The following FAM83F variants were observed in gnomAD, a reference collection of about 807,000 sequenced individuals.
FAM83F encodes the protein protein FAM83F.
FAM83F carries 45 observed loss-of-function variants against 42.9 expected under a neutral mutation model. That is an observed-to-expected ratio of 1.05 (90% confidence interval 0.83 to 1.35). The LOEUF (loss-of-function observed/expected upper bound fraction) is 1.35, where lower values mean the gene tolerates loss of function less well. Ranked by LOEUF, FAM83F falls within the 40% of genes most tolerant of loss-of-function variation. FAM83F has a pLI of 0.00. For missense variants in FAM83F, 617 were observed against 695.9 expected, an observed-to-expected ratio of 0.89 and a Z score of 1.28; for synonymous variants, 306 against 298.3, an observed-to-expected ratio of 1.03 and a Z score of -0.27.
chr22:39,999,338 A>G (rs2067386137), intron 1 of FAM83F, among the ~76,000 whole-genome samples: 1 of 152,208 alleles, frequency 6.6e-6, no homozygotes, highest in Non-Finnish European at 1.5e-5. Flanking sequence ...GACCAGCGGC[A>G]TCCAATTTTG....
Position 40,040,171 on chromosome 22 carries a change from C to G in FAM83F, c.*10606C>G, listed in dbSNP as rs546887549. The G allele has an allele frequency of 1.3e-5, 2 of 152,194 alleles. No individual in the cohort carries two copies. Among genetic ancestry groups the G allele is most frequent in the Non-Finnish European group, 2.9e-5 (2 of 68,054 alleles). 9.4% of individuals were successfully genotyped at this position (152,194 alleles called of 1,614,324 possible). A position where few individuals can be genotyped will look rare whatever the true frequency, so the allele number is the denominator to read the frequency against. ...GATGGGGCTGAGATACTAAAGACTA[C>G]GAGGACAACTGTTCATTGAGGGCTG... On this transcript the variant is annotated 3_prime_UTR_variant, in exon 5 of 5. Coordinates refer to ENST00000333407, the MANE Select transcript of FAM83F (RefSeq NM_138435.4).
intron 1 of FAM83F, among the ~76,000 whole-genome samples, chr22:40,007,716 C>T (rs1414989277): frequency 6.7e-6 from 1 of 149,594 alleles, no homozygotes; most frequent in Non-Finnish European, 1.5e-5. Flanking sequence ...TCCTCTCTTC[C>T]TCCTGTCCTC....
Position 40,034,970 on chromosome 22 carries a change from G to A in FAM83F, c.*5405G>A, listed in dbSNP as rs192179613. On this transcript the variant is annotated 3_prime_UTR_variant, in exon 5 of 5. Transcript: ENST00000333407. ...AGACTAGGTGGCACTGGGCCTGCAG[G>A]CCTCTAGCTGCTCAAGGATGGCCCT... 7.4e-4 allele frequency: 113 copies of A among 152,318 alleles called. No individual in the cohort carries two copies. The highest frequency in any genetic ancestry group is 2.3e-3 in the African/African-American group (94 of 41,556). The allele number at this position is 152,318 out of a possible 1,614,324, so 9.4% of individuals were successfully genotyped here. A position where few individuals can be genotyped will look rare whatever the true frequency, so the allele number is the denominator to read the frequency against.
In FAM83F at chr22:40,041,225, T is replaced by C. The variant is rs1302657522; in HGVS notation, c.*11660T>C. 1 of 152,154 alleles carries C rather than the reference T, an allele frequency of 6.6e-6. No individual in the cohort carries two copies. Among genetic ancestry groups the C allele is most frequent in the Non-Finnish European group, 1.5e-5 (1 of 68,030 alleles). The allele number at this position is 152,154 out of a possible 1,614,324, so 9.4% of individuals were successfully genotyped here. ...ATAGCACAGCGCTCCAAGAACATAG[T>C]GCACTTGGCCTGCATACAAGTGTGC... is the stretch of plus-strand genomic sequence containing the variant. On this transcript the variant is annotated 3_prime_UTR_variant, in exon 5 of 5. Coordinates refer to ENST00000333407, the MANE Select transcript of FAM83F (RefSeq NM_138435.4).
rs778239530 is a variant in FAM83F, at chr22:40,021,609, T to C, written c.1099T>C (p.Ser367Pro). 3 of 1,579,614 alleles carry C rather than the reference T, an allele frequency of 1.9e-6. No homozygotes were observed. The highest frequency in any genetic ancestry group is 2.6e-6 in the Non-Finnish European group (3 of 1,157,672). The change falls in exon 4 of 5, where the codon TCG (serine) becomes CCG (proline). Residue 367 changes from serine to proline, a missense_variant. Ser to Pro is a moderately conservative substitution (Grantham distance 74, BLOSUM62 -1). Transcript: ENST00000333407. The surrounding 1 kb of genome is among the most constrained non-coding windows in gnomAD (Gnocchi z 8.7). ...GQEEGASGGE[S>P]AWRLESFLKD... Reference sequence around the variant, plus strand: ...GGAGGAGGGCGCCAGCGGTGGCGAGTCGGCCTGGCGCCTGGAGAGCTTCCT... The same window carrying C: ...GGAGGAGGGCGCCAGCGGTGGCGAGCCGGCCTGGCGCCTGGAGAGCTTCCT...
At position 40,030,343 on chromosome 22, in the gene FAM83F, G is replaced by GGCCTTTA. The variant is rs1414433606; in HGVS notation, c.*779_*785dup. On this transcript the variant is annotated 3_prime_UTR_variant, in exon 5 of 5. Transcript: ENST00000333407. ...CGGGCCTATGTGGGGGTCCTTACAGGGCCTTTACCTGGGACTGCTCCTTCC... is the reference window on the plus strand; with the variant it reads ...CGGGCCTATGTGGGGGTCCTTACAGGGCCTTTAGCCTTTACCTGGGACTGCTCCTTCC... 2 of 152,136 alleles carry GGCCTTTA rather than the reference G, an allele frequency of 1.3e-5. No homozygotes were observed. The highest frequency in any genetic ancestry group is 4.2e-4 in the South Asian group (2 of 4,812). 9.4% of individuals were successfully genotyped at this position (152,136 alleles called of 1,614,324 possible).
At position 40,021,458 on chromosome 22, in the gene FAM83F, C is replaced by A; in HGVS notation, c.948C>A (p.Ser316=). The part of the protein sequence containing the change: ...LAGRVGLHYS[S]TVARKLINPK... ...GCAGGGTTGGCCTCCATTACTCCTC[C>A]ACTGTGGCTCGAAAGCTTATCAACC... The change falls in exon 4 of 5, where the codon TCC becomes TCA. Residue 316 remains serine, a synonymous_variant. Transcript: ENST00000333407. The surrounding 1 kb of genome is among the most constrained non-coding windows in gnomAD (Gnocchi z 8.7). 1 of 1,609,212 alleles carries A rather than the reference C, an allele frequency of 6.2e-7. No homozygotes were observed.
intron 1 of FAM83F, among the ~76,000 whole-genome samples, chr22:40,013,332 A>G (rs2067477281): frequency 2.0e-5 from 3 of 152,208 alleles, no homozygotes; most frequent in Admixed American, 2.0e-4. Context: ...TCTATGTAGT[A>G]AGCCAGCTTT....
intron 1 of FAM83F, among the ~76,000 whole-genome samples, chr22:40,001,367 G>A (rs1171190169): frequency 1.3e-5 from 2 of 152,144 alleles, no homozygotes; most frequent in African/African-American, 2.4e-5. Flanking sequence ...AGGGAGGGTG[G>A]GGCATGGCGG....
chr22:39,995,033 C>T lies in FAM83F; in HGVS notation c.-10C>T. The T allele has an allele frequency of 3.9e-6, 5 of 1,269,912 alleles. No homozygotes were observed. Among genetic ancestry groups the T allele is most frequent in the Non-Finnish European group, 4.9e-6 (5 of 1,010,756 alleles). The allele number at this position is 1,269,912 out of a possible 1,614,324, so 78.7% of individuals were successfully genotyped here. On this transcript the variant is annotated 5_prime_UTR_variant, in exon 1 of 5. Coordinates refer to ENST00000333407, the MANE Select transcript of FAM83F (RefSeq NM_138435.4). The surrounding 1 kb of genome is among the most constrained non-coding windows in gnomAD (Gnocchi z 4.6). Reference sequence around the variant, plus strand: ...GCCGGGGCCAGGGCCGGGGCCGGGGCCGGGGCGCCATGGCCGAGTCCCAGC... The same window carrying T: ...GCCGGGGCCAGGGCCGGGGCCGGGGTCGGGGCGCCATGGCCGAGTCCCAGC...
rs2067648105 is a variant in FAM83F at position 40,040,985 on chromosome 22, A to C, written c.*11420A>C. The C allele has an allele frequency of 6.6e-6, 1 of 152,220 alleles. No homozygotes were observed. Among genetic ancestry groups the C allele is most frequent in the African/African-American group, 2.4e-5 (1 of 41,454 alleles). 9.4% of individuals were successfully genotyped at this position (152,220 alleles called of 1,614,324 possible). A position where few individuals can be genotyped will look rare whatever the true frequency, so the allele number is the denominator to read the frequency against. On this transcript the variant is annotated 3_prime_UTR_variant, in exon 5 of 5. Coordinates refer to ENST00000333407, the MANE Select transcript of FAM83F (RefSeq NM_138435.4). ...CTTCCCCCAGCTTGTGGGTTATTGC[A>C]GAATTGTTCACAAAAATTCCCATTG... is the stretch of plus-strand genomic sequence containing the variant.
intron 1 of FAM83F, among the ~76,000 whole-genome samples, chr22:40,016,645 T>C (rs1405460512): frequency 6.6e-6 from 1 of 152,056 alleles, no homozygotes; most frequent in Non-Finnish European, 1.5e-5. Context: ...GCTATTTTAT[T>C]TTAATTTTAT....
intron 1 of FAM83F, among the ~76,000 whole-genome samples, chr22:40,002,316 C>G (rs1310719704): frequency 6.6e-6 from 1 of 152,194 alleles, no homozygotes; most frequent in African/African-American, 2.4e-5. Flanking sequence ...GGTGGAGCTG[C>G]TGATGGTTAA....
intron 4 of FAM83F, among the ~76,000 whole-genome samples, chr22:40,024,593 C>T (rs1260578287): frequency 6.6e-6 from 1 of 152,192 alleles, no homozygotes; most frequent in African/African-American, 2.4e-5. Context: ...CTCCCTGTAC[C>T]CAGGACACAT....
Position 40,021,148 on chromosome 22 carries a change from AAT to A in FAM83F, c.780-141_780-140del. 1.1e-6 allele frequency: 1 copy of A among 917,880 alleles called. No homozygotes were observed. The highest frequency in any genetic ancestry group is 1.5e-6 in the Non-Finnish European group (1 of 662,644). The allele number at this position is 917,880 out of a possible 1,614,324, so 56.9% of individuals were successfully genotyped here. A position where few individuals can be genotyped will look rare whatever the true frequency, so the allele number is the denominator to read the frequency against. ...AGGGAGGCTACGGGTGGGTGGAGGG[AAT>A]CAGTCCAGCGTGTGGCCCACAAGGA... On this transcript the variant is annotated intron_variant, in intron 3 of 4. Coordinates refer to ENST00000333407, the MANE Select transcript of FAM83F (RefSeq NM_138435.4). This position sits in a 1 kb window ranked among gnomAD's most constrained non-coding sequence, Gnocchi z 8.7.
intron 4 of FAM83F, among the ~76,000 whole-genome samples, chr22:40,026,996 A>G (rs1303402124): frequency 6.6e-6 from 1 of 152,088 alleles, no homozygotes; most frequent in Non-Finnish European, 1.5e-5. Context: ...ATTTTATTCA[A>G]TAAATATGTG....
At position 40,021,179 on chromosome 22, in the gene FAM83F, G is replaced by C. The variant is rs1462079559; in HGVS notation, c.780-111G>C. 4.7e-6 allele frequency: 6 copies of C among 1,264,304 alleles called. No individual in the cohort carries two copies. In the Admixed American group the frequency reaches 1.5e-4, roughly 31 times the overall value. The allele number at this position is 1,264,304 out of a possible 1,614,324, so 78.3% of individuals were successfully genotyped here. On this transcript the variant is annotated intron_variant, in intron 3 of 4. Coordinates refer to ENST00000333407, the MANE Select transcript of FAM83F (RefSeq NM_138435.4). The surrounding 1 kb of genome is among the most constrained non-coding windows in gnomAD (Gnocchi z 8.7). ...TCCAGCGTGTGGCCCACAAGGAGCC[G>C]TACACCTGCAGCAAGGGTCTGGCCA...
chr22:40,012,858 G>T (rs13056858), intron 1 of FAM83F, among the ~76,000 whole-genome samples: 5 of 151,282 alleles, frequency 3.3e-5, no homozygotes, highest in Non-Finnish European at 7.4e-5. Context: ...CGGATCACGA[G>T]GTCAGGAGAT....
At chr22:40,012,201 C>G (rs982314757) in intron 1 of FAM83F, among the ~76,000 whole-genome samples, 1 of 151,904 alleles carries the variant, frequency 6.6e-6, no homozygotes, top group Non-Finnish European at 1.5e-5. Context: ...GTGGTGCCAT[C>G]TTGGCTCACT....
Sources: allele counts gnomAD v4.1 joint callset (sites outside exome capture counted in the v4.1 genomes callset), GRCh38; gene constraint gnomAD v4.1.1; non-coding constraint Gnocchi (gnomAD v3.1); transcripts MANE v1.5; gene names NCBI Gene and HGNC (gene_info 2026-07-23, HGNC 2026-07-21).